The following NXPH1 variants were observed in gnomAD, a reference collection of about 807,000 sequenced individuals.
NXPH1 encodes neurexophilin 1.
Under a neutral mutation model 23.7 loss-of-function variants are expected in NXPH1, and 5 were observed. The observed-to-expected ratio is 0.21, with a 90% CI of 0.11 to 0.44. The LOEUF is 0.44. Ranked by LOEUF, NXPH1 falls within the 20% of genes least tolerant of loss-of-function variation. The pLI is 0.99. For synonymous variants in NXPH1, 144 were observed against 122.2 expected (o/e 1.18, Z -1.18); for missense variants, 324 against 321.6 (o/e 1.01, Z -0.06).
intron 2 of NXPH1, among the ~76,000 whole-genome samples, chr7:8,568,561 C>A (rs6975588): frequency 6.7e-6 from 1 of 148,670 alleles, no homozygotes; most frequent in East Asian, 2.0e-4. Flanking sequence ...TGTATGTGTG[C>A]AAATCTCCAA....
At chr7:8,528,573 C>A (rs1817901580) in intron 2 of NXPH1, among the ~76,000 whole-genome samples, 2 of 152,262 alleles carry the variant, frequency 1.3e-5, no homozygotes, top group African/African-American at 4.8e-5. Flanking sequence ...GCCTTATTTG[C>A]ATATGAAAAA....
chr7:8,694,704 ATC>A (rs1821277801), intron 2 of NXPH1, among the ~76,000 whole-genome samples: 1 of 152,200 alleles, frequency 6.6e-6, no homozygotes, highest in Non-Finnish European at 1.5e-5. Context: ...TTTACAATTT[ATC>A]TCATTCTACT....
intron 2 of NXPH1, among the ~76,000 whole-genome samples, chr7:8,502,037 G>C (rs1563329182): frequency 6.6e-6 from 1 of 151,766 alleles, no homozygotes; most frequent in Non-Finnish European, 1.5e-5. Context: ...AGAGTGGAGG[G>C]AAAAAACATT....
chr7:8,744,546 A>G (rs1345037125), intron 2 of NXPH1, among the ~76,000 whole-genome samples: 1 of 152,132 alleles, frequency 6.6e-6, no homozygotes, highest in African/African-American at 2.4e-5. Flanking sequence ...TTATTACCAC[A>G]CGTTTCTTGC....
chr7:8,533,128 A>T (rs1409293575), intron 2 of NXPH1, among the ~76,000 whole-genome samples: 2 of 152,178 alleles, frequency 1.3e-5, no homozygotes, highest in Non-Finnish European at 2.9e-5. Flanking sequence ...GTCACACAGC[A>T]TTGAGGTGAT....
At chr7:8,647,902 T>G (rs561618238) in intron 2 of NXPH1, among the ~76,000 whole-genome samples, 1 of 152,310 alleles carries the variant, frequency 6.6e-6, no homozygotes, top group African/African-American at 2.4e-5. Context: ...GTTTAAAAAT[T>G]TGAAATATAT....
intron 2 of NXPH1, among the ~76,000 whole-genome samples, chr7:8,545,482 A>G (rs1818185389): frequency 6.6e-6 from 1 of 151,594 alleles, no homozygotes; most frequent in Admixed American, 6.6e-5. Context: ...TTGTAGAGTT[A>G]AATATGAGAT....
chr7:8,526,897 A>G (rs1817869817), intron 2 of NXPH1, among the ~76,000 whole-genome samples: 2 of 152,160 alleles, frequency 1.3e-5, no homozygotes, highest in Non-Finnish European at 2.9e-5. Flanking sequence ...ACAGGTAAAT[A>G]TATTGTCGTG....
rs1207834590 is a variant in NXPH1, at chr7:8,752,917, A to C, written c.*1148A>C. ...TATTTAGATATTTTATTTCTGGAAA[A>C]AATGAAATGTACATAAAAATAAAAC... is the stretch of plus-strand genomic sequence containing the variant. On this transcript the variant is annotated 3_prime_UTR_variant, in exon 3 of 3. Coordinates refer to ENST00000405863, the MANE Select transcript of NXPH1 (RefSeq NM_152745.3). 6.6e-6 allele frequency: 1 copy of C among 152,570 alleles called. No homozygotes were observed. Among genetic ancestry groups the C allele is most frequent in the Non-Finnish European group, 1.5e-5 (1 of 68,028 alleles). 9.5% of individuals were successfully genotyped at this position (152,570 alleles called of 1,614,324 possible). A position where few individuals can be genotyped will look rare whatever the true frequency, so the allele number is the denominator to read the frequency against.
intron 2 of NXPH1, among the ~76,000 whole-genome samples, chr7:8,681,315 G>A (rs1044855190): frequency 7.2e-5 from 11 of 152,082 alleles, no homozygotes; most frequent in Non-Finnish European, 1.3e-4. Context: ...AATATAAACT[G>A]GAATTGCTTT....
At chr7:8,682,119 C>G (rs766541963) in intron 2 of NXPH1, among the ~76,000 whole-genome samples, 2 of 152,112 alleles carry the variant, frequency 1.3e-5, no homozygotes, top group Non-Finnish European at 1.5e-5. Context: ...TTGAGTATGC[C>G]TGTTTCATTG....
At chr7:8,459,521 T>C (rs1452344291) in intron 2 of NXPH1, among the ~76,000 whole-genome samples, 1 of 152,168 alleles carries the variant, frequency 6.6e-6, no homozygotes, top group Non-Finnish European at 1.5e-5. Context: ...TTCAGTTTAA[T>C]TTGGTTAAAA....
chr7:8,451,276 A>G (rs1326010220), intron 2 of NXPH1, among the ~76,000 whole-genome samples: 4 of 152,104 alleles, frequency 2.6e-5, no homozygotes, highest in African/African-American at 9.7e-5. Context: ...AATTATTTTT[A>G]TTGCAATTTG....
chr7:8,489,611 C>T (rs1817215765), intron 2 of NXPH1, among the ~76,000 whole-genome samples: 4 of 151,946 alleles, frequency 2.6e-5, no homozygotes, highest in Non-Finnish European at 4.4e-5. Context: ...CAACATTGGC[C>T]CATCTGAAAA....
At chr7:8,655,444 CTCTCT>C (rs1562444336) in intron 2 of NXPH1, among the ~76,000 whole-genome samples, 88 of 66,992 alleles carry the variant, frequency 1.3e-3, no homozygotes, top group African/African-American at 3.9e-3. Context: ...CTCTCTCTCT[CTCTCT>C]ATACACACAC....
chr7:8,519,810 A>T (rs912377658), intron 2 of NXPH1, among the ~76,000 whole-genome samples: 1 of 152,196 alleles, frequency 6.6e-6, no homozygotes, highest in Non-Finnish European at 1.5e-5. Flanking sequence ...AGAAAAAAAT[A>T]TATATACACA....
At position 8,596,708 on chromosome 7, in the gene NXPH1, A is replaced by G. The variant is rs143390344; in HGVS notation, c.55-154300A>G. Reference sequence around the variant, plus strand: ...ATGATCCTTATTTTACAGTTAAGACATTAAGGCACAGAGAGGTTAGGTGAC... The same window carrying G: ...ATGATCCTTATTTTACAGTTAAGACGTTAAGGCACAGAGAGGTTAGGTGAC... On this transcript the variant is annotated intron_variant, in intron 2 of 2. Transcript: ENST00000405863. Among the ~76,000 whole-genome samples the G allele has an allele frequency of 7.0e-3, 1,066 of 152,246 alleles. 11 individuals are homozygous for G. The highest frequency in any genetic ancestry group is 0.023 in the African/African-American group (940 of 41,562).
intron 2 of NXPH1, among the ~76,000 whole-genome samples, chr7:8,574,621 C>T (rs374051864): frequency 6.6e-6 from 1 of 152,124 alleles, no homozygotes; most frequent in African/African-American, 2.4e-5. Flanking sequence ...CTGGTGTCTG[C>T]ATCACATGTA....
chr7:8,575,479 C>T (rs1483577277), intron 2 of NXPH1, among the ~76,000 whole-genome samples: 1 of 152,076 alleles, frequency 6.6e-6, no homozygotes, highest in Non-Finnish European at 1.5e-5. Flanking sequence ...GAATAGAAAG[C>T]ATAGAAATTC....
Sources: gnomAD v4.1 joint callset for allele counts (sites outside exome capture counted in the v4.1 genomes callset) on GRCh38, gnomAD v4.1.1 for gene constraint, MANE v1.5 for transcripts, NCBI Gene and HGNC (gene_info 2026-07-23, HGNC 2026-07-21) for gene names.